Variants in AGR2 observed in about 807,000 individuals in gnomAD.
AGR2 encodes the protein anterior gradient protein 2 homolog.
A neutral mutation model predicts 25.9 loss-of-function variants in AGR2; 27 were observed. The observed-to-expected ratio is 1.04, with a 90% CI of 0.77 to 1.44. The LOEUF (loss-of-function observed/expected upper bound fraction) is 1.44, where lower values mean the gene tolerates loss of function less well. AGR2 is among the 40% of genes most tolerant of loss of function. The pLI is 0.00. For missense variants in AGR2, 182 were observed against 200.9 expected (o/e 0.91, Z 0.57); for synonymous variants, 78 against 72.0 (o/e 1.08, Z -0.42).
In AGR2 at chr7:16,799,743, C is replaced by G; in HGVS notation, c.330+1G>C. On this transcript the variant is annotated splice_donor_variant, in intron 5 of 7. Transcript: ENST00000419304. LOFTEE classifies it high-confidence loss of function. ...TTAGTAATGATGAAAAGGAAACTTA[C>G]AACCAGATTGAGGAGGACAAACTGC... 5 of 1,609,710 alleles carry G rather than the reference C, an allele frequency of 3.1e-6. No homozygotes were observed. Among genetic ancestry groups the G allele is most frequent in the Non-Finnish European group, 4.2e-6 (5 of 1,177,318 alleles).
At chr7:16,802,828 A>G (rs1785171788) in intron 1 of AGR2, among the ~76,000 whole-genome samples, 1 of 152,234 alleles carries the variant, frequency 6.6e-6, no homozygotes, top group East Asian at 1.9e-4. Flanking sequence ...AGTAGCTAAG[A>G]AAATTTACAT....
At position 16,804,952 on chromosome 7, in the gene AGR2, C is replaced by T. The variant is rs1413361521; in HGVS notation, c.-25G>A. On this transcript the variant is annotated 5_prime_UTR_variant, in exon 1 of 8. In the 5' UTR this introduces an upstream ATG that the reference lacks. Coordinates refer to ENST00000419304, the MANE Select transcript of AGR2 (RefSeq NM_006408.4). Reference sequence around the variant, plus strand: ...AGCCTTACCTGGATTTCCTCACCCACCTGCCTTGTGTGAGTCGGCGGCTAG... The same window carrying T: ...AGCCTTACCTGGATTTCCTCACCCATCTGCCTTGTGTGAGTCGGCGGCTAG... 1 of 152,464 alleles carries T rather than the reference C, an allele frequency of 6.6e-6. No homozygotes were observed. Among genetic ancestry groups the T allele is most frequent in the African/African-American group, 2.4e-5 (1 of 41,452 alleles). 9.4% of individuals were successfully genotyped at this position (152,464 alleles called of 1,614,324 possible). A position where few individuals can be genotyped will look rare whatever the true frequency, so the allele number is the denominator to read the frequency against.
At chr7:16,802,019 G>T (rs1785155688) in intron 1 of AGR2, among the ~76,000 whole-genome samples, 1 of 151,220 alleles carries the variant, frequency 6.6e-6, no homozygotes, top group African/African-American at 2.4e-5. Context: ...TAAACCCATT[G>T]TAAACTGAAA....
intron 1 of AGR2, among the ~76,000 whole-genome samples, chr7:16,802,622 A>C (rs1474991717): frequency 6.6e-6 from 1 of 152,190 alleles, no homozygotes; most frequent in East Asian, 1.9e-4. Context: ...CACCATCATA[A>C]AGTCAAAAAA....
chr7:16,794,336 T>G (rs1399973474), intron 7 of AGR2, among the ~76,000 whole-genome samples: 1 of 152,218 alleles, frequency 6.6e-6, no homozygotes, highest in Non-Finnish European at 1.5e-5. Context: ...GTTCCTAGGA[T>G]AAAACCCACT....
chr7:16,798,518 C>T (rs1004057661), intron 5 of AGR2, among the ~76,000 whole-genome samples: 1 of 152,106 alleles, frequency 6.6e-6, no homozygotes, highest in Admixed American at 6.5e-5. Flanking sequence ...TTCCTTTGTT[C>T]AGAAATAGTT....
At chr7:16,802,651 AG>A (rs901406753) in intron 1 of AGR2, among the ~76,000 whole-genome samples, 1 of 152,130 alleles carries the variant, frequency 6.6e-6, no homozygotes, top group African/African-American at 2.4e-5. Flanking sequence ...AACTTCTGTA[AG>A]TTGGGACTGT....
rs957106370 is a variant in AGR2, at chr7:16,792,155, C to T, written c.*753G>A. ...TGGCTGAATTTATTTCACTCCAGTA[C>T]TTTAGGACCTTGACAGACAAATCGA... On this transcript the variant is annotated 3_prime_UTR_variant, in exon 8 of 8. Coordinates refer to ENST00000419304, the MANE Select transcript of AGR2 (RefSeq NM_006408.4). The T allele has an allele frequency of 2.0e-5, 3 of 152,220 alleles. No homozygotes were observed. Among genetic ancestry groups the T allele is most frequent in the Non-Finnish European group, 2.9e-5 (2 of 68,076 alleles). The allele number at this position is 152,220 out of a possible 1,614,324, so 9.4% of individuals were successfully genotyped here. A position where few individuals can be genotyped will look rare whatever the true frequency, so the allele number is the denominator to read the frequency against.
At chr7:16,803,734 T>A (rs3823653) in intron 1 of AGR2, among the ~76,000 whole-genome samples, 24,987 of 152,224 alleles carry the variant, frequency 0.16, 2,297 homozygotes, top group South Asian at 0.28. Context: ...ACCTAAGTGT[T>A]CACTGTAAGT....
At position 16,801,786 on chromosome 7, in the gene AGR2, A is replaced by G. The variant is rs149840109; in HGVS notation, c.11T>C (p.Ile4Thr). ...AAGGAGCAAGAATGCTGACACTGGA[A>G]TTTTCTCCATGGCAACTCTAGTATG... The part of the protein sequence containing the change: MEK[I>T]PVSAFLLLVA... The change falls in exon 2 of 8, where the codon ATT becomes ACT. Residue 4 changes from isoleucine to threonine, a missense_variant. Coordinates refer to ENST00000419304, the MANE Select transcript of AGR2 (RefSeq NM_006408.4). The G allele has an allele frequency of 1.2e-4, 189 of 1,608,282 alleles. 1 individual carries two copies. Among genetic ancestry groups the G allele is most frequent in the Middle Eastern group, 6.6e-4 (4 of 6,038 alleles).
chr7:16,801,581 C>T (rs1314718373), intron 2 of AGR2, 77 bp downstream of exon 2: 1 of 1,577,168 alleles, frequency 6.3e-7, no homozygotes, highest in Non-Finnish European at 8.7e-7. Flanking sequence ...AGGTTAGAAC[C>T]AGGTTTAAGC....
In AGR2 at chr7:16,792,859, T is replaced by C. The variant is rs1479016780; in HGVS notation, c.*49A>G. ...CCAGTCTTCTCACACTTCTTCTGGT[T>C]TCAAGTCTCAAGGCCTGACAGACAG... is the stretch of plus-strand genomic sequence containing the variant. On this transcript the variant is annotated 3_prime_UTR_variant, in exon 8 of 8. Transcript: ENST00000419304. The C allele has an allele frequency of 2.0e-6, 3 of 1,531,392 alleles. No individual in the cohort carries two copies. The highest frequency in any genetic ancestry group is 2.7e-6 in the Non-Finnish European group (3 of 1,104,788). 94.9% of individuals were successfully genotyped at this position (1,531,392 alleles called of 1,614,324 possible).
At chr7:16,804,589 C>T (rs993435932) in intron 1 of AGR2, among the ~76,000 whole-genome samples, 1 of 152,150 alleles carries the variant, frequency 6.6e-6, no homozygotes, top group Non-Finnish European at 1.5e-5. Context: ...TTTGCTTTAG[C>T]CCGTGGGAAA....
In AGR2 at chr7:16,801,314, C is replaced by G. The variant is rs201543824; in HGVS notation, c.203+6G>C. On this transcript the variant is annotated splice_donor_region_variant and intron_variant, in intron 3 of 7. Transcript: ENST00000419304. The stretch of plus-strand genomic sequence containing the variant: ...TGAGGGAGCTCTGAGTAATCCTGAT[C>G]TTTACCTTGTCTTGGATTTATATAG... 283 of 1,613,628 alleles carry G rather than the reference C, an allele frequency of 1.8e-4. No individual in the cohort carries two copies. Among genetic ancestry groups the G allele is most frequent in the Non-Finnish European group, 2.1e-4 (248 of 1,179,734 alleles).
rs1785020551 is a variant in AGR2 at position 16,795,006 on chromosome 7, T to G, written c.408A>C (p.Thr136=). ...ATCTTCCAGTGATATCGGCTCTAACTGTCAGAGATGGGTCTGCAAAGATAA... is the reference window on the plus strand; with the variant it reads ...ATCTTCCAGTGATATCGGCTCTAACGGTCAGAGATGGGTCTGCAAAGATAA... ...PRIMFVDPSL[T]VRADITGRYS... The change falls in exon 7 of 8, where the codon ACA becomes ACC. Residue 136 remains threonine, a synonymous_variant. Coordinates refer to ENST00000419304, the MANE Select transcript of AGR2 (RefSeq NM_006408.4). The G allele has an allele frequency of 1.2e-6, 2 of 1,614,178 alleles. No individual in the cohort carries two copies. The highest frequency in any genetic ancestry group is 1.1e-5 in the South Asian group (1 of 91,086).
Position 16,799,741 on chromosome 7 carries a change from T to TA in AGR2, c.330+2dup. On this transcript the variant is annotated splice_region_variant and intron_variant, in intron 5 of 7. Transcript: ENST00000419304. ...TGTTAGTAATGATGAAAAGGAAACT[T>TA]ACAACCAGATTGAGGAGGACAAACT... 1.2e-6 allele frequency: 2 copies of TA among 1,608,132 alleles called. No individual in the cohort carries two copies. Among genetic ancestry groups the TA allele is most frequent in the Middle Eastern group, 1.7e-4 (1 of 6,036 alleles).
intron 5 of AGR2, among the ~76,000 whole-genome samples, chr7:16,798,153 G>T (rs1406882401): frequency 2.6e-5 from 4 of 152,202 alleles, no homozygotes; most frequent in Non-Finnish European, 4.4e-5. Context: ...GATACAGGTA[G>T]GAAAATGAAT....
chr7:16,798,025 T>C (rs571929885), intron 5 of AGR2, among the ~76,000 whole-genome samples: 1 of 152,320 alleles, frequency 6.6e-6, no homozygotes, highest in Admixed American at 6.5e-5. Context: ...CTAGAGAAAT[T>C]ACGGAGACAA....
rs1489597145 is a variant in AGR2, at chr7:16,792,776, AGTT to A, written c.*129_*131del. 2.4e-6 allele frequency: 2 copies of A among 841,860 alleles called. No homozygotes were observed. The highest frequency in any genetic ancestry group is 1.6e-5 in the South Asian group (1 of 62,214). 52.1% of individuals were successfully genotyped at this position (841,860 alleles called of 1,614,324 possible). A position where few individuals can be genotyped will look rare whatever the true frequency, so the allele number is the denominator to read the frequency against. On this transcript the variant is annotated 3_prime_UTR_variant, in exon 8 of 8. Coordinates refer to ENST00000419304, the MANE Select transcript of AGR2 (RefSeq NM_006408.4). ...CTAAAACTTGTTTTTCTTAAAAAAT[AGTT>A]GTTGTAACATTAAACCATAACCTAA...
Sources: gnomAD v4.1 joint callset for allele counts (sites outside exome capture counted in the v4.1 genomes callset) on GRCh38, gnomAD v4.1.1 for gene constraint, MANE v1.5 for transcripts, NCBI Gene and HGNC (gene_info 2026-07-23, HGNC 2026-07-21) for gene names.